Variants in PPP2R5C observed in about 807,000 individuals in gnomAD.
PPP2R5C encodes the protein serine/threonine-protein phosphatase 2A 56 kDa regulatory subunit gamma isoform.
PPP2R5C carries 7 observed loss-of-function variants against 68.9 expected under a neutral mutation model. The ratio of observed to expected loss-of-function variants is 0.10; its 90% CI spans 0.06 to 0.19. PPP2R5C has a LOEUF of 0.19. Among genes scored for constraint, PPP2R5C ranks in the 10% least tolerant of loss-of-function variants. The probability of loss-of-function intolerance (pLI) is 1.00; values close to 1 mark genes in which losing one functional copy is unlikely to be tolerated. For missense variants in PPP2R5C, 348 were observed against 641.3 expected, an observed-to-expected ratio of 0.54 and a Z score of 4.94; for synonymous variants, 210 against 222.2, an observed-to-expected ratio of 0.95 and a Z score of 0.49.
chr14:101,802,185 C>T (rs975469614), intron 3 of PPP2R5C, among the ~76,000 whole-genome samples: 5 of 152,146 alleles, frequency 3.3e-5, no homozygotes, highest in South Asian at 4.1e-4. Flanking sequence ...GAGGCTGAGA[C>T]GGGCGGATCA....
intron 1 of PPP2R5C, among the ~76,000 whole-genome samples, chr14:101,815,252 CT>C (rs1232374179): frequency 1.4e-4 from 21 of 152,302 alleles, no homozygotes; most frequent in African/African-American, 5.1e-4. Context: ...GATAGCAAAG[CT>C]CATGTTCTTT....
At chr14:101,790,403 C>T (rs2140088966) in intron 3 of PPP2R5C, among the ~76,000 whole-genome samples, 1 of 152,306 alleles carries the variant, frequency 6.6e-6, no homozygotes, top group African/African-American at 2.4e-5. Context: ...TTACCTCGTG[C>T]CATTCACCAT....
intron 1 of PPP2R5C, among the ~76,000 whole-genome samples, chr14:101,842,987 A>C (rs2041591782): frequency 6.6e-6 from 1 of 152,030 alleles, no homozygotes; most frequent in Admixed American, 6.6e-5. Context: ...GCACTTTGGT[A>C]GGCCAGAGGG....
rs914449710 is a variant in PPP2R5C at position 101,917,738 on chromosome 14, G to C, written c.1327-93G>C. 1 of 1,548,674 alleles carries C rather than the reference G, an allele frequency of 6.5e-7. No individual in the cohort carries two copies. Among genetic ancestry groups the C allele is most frequent in the African/African-American group, 1.4e-5 (1 of 73,348 alleles). On this transcript the variant is annotated intron_variant, in intron 12 of 13. Transcript: ENST00000334743. This position sits in a 1 kb window ranked among gnomAD's most constrained non-coding sequence, Gnocchi z 4.4. ...CTTCCTGCGGGAGAGGGCCCTGGGG[G>C]GCGGCAGGGGAGATGAGTCCCTAGC...
intron 1 of PPP2R5C, among the ~76,000 whole-genome samples, chr14:101,855,341 T>G (rs2042357891): frequency 6.6e-6 from 1 of 152,182 alleles, no homozygotes; most frequent in Admixed American, 6.5e-5. Flanking sequence ...ATATGTTGCT[T>G]TGGTGGAAGT....
At position 101,909,758 on chromosome 14, in the gene PPP2R5C, A is replaced by G. The variant is rs1046162523; in HGVS notation, c.1253+68A>G. On this transcript the variant is annotated intron_variant, in intron 11 of 13. Transcript: ENST00000334743. ...TCTTAATCCTAAGTAAACCTCTTCC[A>G]CTGTTTTGTCCTAAAACGGTATTCT... The G allele has an allele frequency of 1.8e-5, 22 of 1,199,578 alleles. No homozygotes were observed. The African/African-American group carries it at 2.9e-4, about 16-fold the overall frequency. The allele number at this position is 1,199,578 out of a possible 1,614,324, so 74.3% of individuals were successfully genotyped here. A position where few individuals can be genotyped will look rare whatever the true frequency, so the allele number is the denominator to read the frequency against.
chr14:101,779,065 TTAAAAA>T (rs1291012388), intron 2 of PPP2R5C, among the ~76,000 whole-genome samples: 2 of 151,876 alleles, frequency 1.3e-5, no homozygotes, highest in Non-Finnish European at 2.9e-5. Context: ...CTCAAAAAAA[TTAAAAA>T]TAAAAATAAA....
At chr14:101,791,089 AAAAAG>A (rs1054113555) in intron 3 of PPP2R5C, among the ~76,000 whole-genome samples, 18 of 152,238 alleles carry the variant, frequency 1.2e-4, no homozygotes, top group Middle Eastern at 3.2e-3. Flanking sequence ...CAAAAAAAGA[AAAAAG>A]AAAAGAAAAG....
At position 101,781,879 on chromosome 14, in the gene PPP2R5C, G is replaced by GGAGC. The variant is rs1314002128; in HGVS notation, c.94-4137_94-4134dup. Among the ~76,000 whole-genome samples, 1 of 151,784 alleles carries GGAGC rather than the reference G, an allele frequency of 6.6e-6. No individual in the cohort carries two copies. Among genetic ancestry groups the GGAGC allele is most frequent in the East Asian group, 1.9e-4 (1 of 5,130 alleles). On this transcript the variant is annotated intron_variant, in intron 2 of 14. Transcript: ENST00000328724. This position sits in a 1 kb window ranked among gnomAD's most constrained non-coding sequence, Gnocchi z 6.4. Reference sequence around the variant, plus strand: ...GGCCGTGGCCGTGGCCAGGTGTACCGGAGCGGCACCCAGGAGCCCGCCCTA... The same window carrying GGAGC: ...GGCCGTGGCCGTGGCCAGGTGTACCGGAGCGAGCGGCACCCAGGAGCCCGCCCTA...
intron 1 of PPP2R5C, chr14:101,820,056 A>G (rs548472939): frequency 6.6e-6 from 1 of 152,334 alleles, no homozygotes. Flanking sequence ...CACTTTTTCC[A>G]GGAACTTTAA....
intron 1 of PPP2R5C, among the ~76,000 whole-genome samples, chr14:101,817,523 G>A (rs1595248881): frequency 6.6e-6 from 1 of 152,166 alleles, no homozygotes. Context: ...GTGCATAACC[G>A]TTTTTGATGT....
rs547235001 is a variant in PPP2R5C at position 101,762,457 on chromosome 14, C to T, written c.28-448C>T. Among the ~76,000 whole-genome samples the T allele has an allele frequency of 5.9e-5, 9 of 151,676 alleles. No homozygotes were observed. The South Asian group carries it at 1.7e-3, about 28-fold the overall frequency. On this transcript the variant is annotated intron_variant, in intron 1 of 14. Coordinates refer to the PPP2R5C transcript ENST00000328724. ...GGGGCTCTCGAACACTATTATTATC[C>T]TGGGTGGCGGCGGCGGTGAGGGCTG...
At chr14:101,824,332 C>A in intron 1 of PPP2R5C, 1 of 442,768 alleles carries the variant, frequency 2.3e-6, no homozygotes, top group African/African-American at 2.1e-5. Context: ...TTAGTGTAGA[C>A]ATTTGTCTAC....
chr14:101,823,965 G>C, intron 1 of PPP2R5C: 2 of 1,288,792 alleles, frequency 1.6e-6, no homozygotes, highest in Non-Finnish European at 2.0e-6. Context: ...TTTAGGGTTT[G>C]TGGTTATGGA....
intron 2 of PPP2R5C, among the ~76,000 whole-genome samples, chr14:101,783,565 G>T (rs552526770): frequency 1.6e-4 from 25 of 152,058 alleles, no homozygotes; most frequent in Middle Eastern, 3.4e-3. Context: ...AAAAGGCCAA[G>T]GGCCCCTTTG....
rs563243813 is a variant in PPP2R5C at position 101,835,721 on chromosome 14, G to A, written c.95-20965G>A. On this transcript the variant is annotated intron_variant, in intron 1 of 13. Transcript: ENST00000334743. This position sits in a 1 kb window ranked among gnomAD's most constrained non-coding sequence, Gnocchi z 5.0. ...CCACTCTTCTCCCTGTAAGGGACCA[G>A]TAGCATGTGTGGGACCACGCCGCCT... 2.0e-5 allele frequency among the ~76,000 whole-genome samples: 3 copies of A among 152,374 alleles called. No individual in the cohort carries two copies. The highest frequency in any genetic ancestry group is 2.0e-4 in the Admixed American group (3 of 15,312).
intron 12 of PPP2R5C, 61 bp downstream of exon 14, chr14:101,912,534 G>C: frequency 6.6e-7 from 1 of 1,503,818 alleles, no homozygotes; most frequent in South Asian, 1.4e-5. Flanking sequence ...TTATAAGATA[G>C]GAATATATGT....
chr14:101,818,633 CA>C (rs34613639), intron 1 of PPP2R5C: 6,807 of 126,414 alleles, frequency 0.054, 22 homozygotes, highest in South Asian at 0.13. Flanking sequence ...GACTCTGTCT[CA>C]AAAAAAAAAA....
intron 1 of PPP2R5C, among the ~76,000 whole-genome samples, chr14:101,829,133 T>A (rs2040579351): frequency 6.6e-6 from 1 of 152,170 alleles, no homozygotes; most frequent in Non-Finnish European, 1.5e-5. Context: ...AGTGGAACTC[T>A]GGTCAACACA....
Sources: gnomAD v4.1 joint callset for allele counts (sites outside exome capture counted in the v4.1 genomes callset) on GRCh38, gnomAD v4.1.1 for gene constraint, Gnocchi (gnomAD v3.1) non-coding constraint, MANE v1.5 for transcripts, NCBI Gene and HGNC (gene_info 2026-07-23, HGNC 2026-07-21) for gene names.